The following KMT2A variants were observed in gnomAD, a reference collection of about 807,000 sequenced individuals.
KMT2A encodes the protein lysine methyltransferase 2A.
Under a neutral mutation model 345.3 loss-of-function variants are expected in KMT2A, and 16 were observed. The ratio of observed to expected loss-of-function variants is 0.05; its 90% confidence interval spans 0.03 to 0.07. The LOEUF (loss-of-function observed/expected upper bound fraction) is 0.07, where lower values mean the gene tolerates loss of function less well. KMT2A is among the 10% of genes least tolerant of loss of function. The probability of loss-of-function intolerance (pLI) is 1.00; values close to 1 mark genes in which losing one functional copy is unlikely to be tolerated. For synonymous variants in KMT2A, 1,599 were observed against 1,778.6 expected (o/e 0.90, Z 2.54); for missense variants, 3,272 against 4,841.6 (o/e 0.68, Z 9.62).
At chr11:118,454,648 C>G (rs1403419852) in intron 1 of KMT2A, among the ~76,000 whole-genome samples, 1 of 152,282 alleles carries the variant, frequency 6.6e-6, no homozygotes, top group South Asian at 2.1e-4. Flanking sequence ...GTCAAAGATA[C>G]GTTTAATACA....
intron 1 of KMT2A, among the ~76,000 whole-genome samples, chr11:118,451,379 T>C (rs1949533918): frequency 6.6e-6 from 1 of 151,888 alleles, no homozygotes; most frequent in South Asian, 2.1e-4. Context: ...GCCTACTAAT[T>C]TTTAATTTTC....
At chr11:118,465,125 G>A (rs563296550) in intron 1 of KMT2A, among the ~76,000 whole-genome samples, 1 of 152,082 alleles carries the variant, frequency 6.6e-6, no homozygotes, top group Non-Finnish European at 1.5e-5. Context: ...TGAAGGAGGC[G>A]GAGCATCTAG....
chr11:118,485,528 A>G (rs1217108531), intron 10 of KMT2A, among the ~76,000 whole-genome samples: 1 of 152,222 alleles, frequency 6.6e-6, no homozygotes, highest in Non-Finnish European at 1.5e-5. Context: ...TCCTGAATAA[A>G]TGGGGACTTT....
At chr11:118,508,631 G>C (rs1483470964) in intron 28 of KMT2A, among the ~76,000 whole-genome samples, 1 of 151,820 alleles carries the variant, frequency 6.6e-6, no homozygotes, top group Non-Finnish European at 1.5e-5. Context: ...GCTAAGGCGG[G>C]AGGATTGCTT....
At chr11:118,509,690 C>T (rs1344026107) in intron 29 of KMT2A, among the ~76,000 whole-genome samples, 1 of 152,070 alleles carries the variant, frequency 6.6e-6, no homozygotes, top group African/African-American at 2.4e-5. Flanking sequence ...TATTGAAAAA[C>T]TATCAGATCG....
chr11:118,524,332 T>C lies in KMT2A; in HGVS notation c.*2160T>C, dbSNP rs1481612462. Reference sequence around the variant, plus strand: ...CGCAAGAAGCCCATTCCTATGGAAGTCTAGCAAAGCAATACGACTCAGCCC... The same window carrying C: ...CGCAAGAAGCCCATTCCTATGGAAGCCTAGCAAAGCAATACGACTCAGCCC... On this transcript the variant is annotated 3_prime_UTR_variant, in exon 36 of 36. Coordinates refer to ENST00000534358, the MANE Select transcript of KMT2A (RefSeq NM_001197104.2). 5.2e-6 allele frequency: 1 copy of C among 190,946 alleles called. No individual in the cohort carries two copies. The highest frequency in any genetic ancestry group is 2.3e-5 in the African/African-American group (1 of 42,928). The allele number at this position is 190,946 out of a possible 1,614,324, so 11.8% of individuals were successfully genotyped here. A position where few individuals can be genotyped will look rare whatever the true frequency, so the allele number is the denominator to read the frequency against.
At chr11:118,464,691 T>C (rs184781728) in intron 1 of KMT2A, among the ~76,000 whole-genome samples, 2 of 152,232 alleles carry the variant, frequency 1.3e-5, no homozygotes, top group Non-Finnish European at 2.9e-5. Context: ...CTTTGAAGAA[T>C]TGTAACAGGA....
rs945415061 is a variant in KMT2A at position 118,490,429 on chromosome 11, C to T, written c.4696+180C>T. The stretch of plus-strand genomic sequence containing the variant: ...ACTAGAAATGTCTTGTTAGTTTATA[C>T]GGGAAGTGTTAAGGGGACTTTTCAT... On this transcript the variant is annotated intron_variant, in intron 13 of 35. Coordinates refer to ENST00000534358, the MANE Select transcript of KMT2A (RefSeq NM_001197104.2). The surrounding 1 kb of genome is among the most constrained non-coding windows in gnomAD (Gnocchi z 4.2). Among the ~76,000 whole-genome samples, 4 of 152,052 alleles carry T rather than the reference C, an allele frequency of 2.6e-5. No homozygotes were observed. Among genetic ancestry groups the T allele is most frequent in the African/African-American group, 7.2e-5 (3 of 41,404 alleles).
Position 118,491,412 on chromosome 11 carries a change from G to T in KMT2A, c.4819+94G>T. On this transcript the variant is annotated intron_variant, in intron 14 of 35. Coordinates refer to ENST00000534358, the MANE Select transcript of KMT2A (RefSeq NM_001197104.2). The surrounding 1 kb of genome is among the most constrained non-coding windows in gnomAD (Gnocchi z 4.2). ...TTAAACCTAAAATTATGGTTGTGTT[G>T]TTATTTGAAATCTCTAAATTTATTT... The T allele has an allele frequency of 2.4e-6, 3 of 1,229,168 alleles. No homozygotes were observed. Among genetic ancestry groups the T allele is most frequent in the Non-Finnish European group, 2.2e-6 (2 of 888,928 alleles). The allele number at this position is 1,229,168 out of a possible 1,614,324, so 76.1% of individuals were successfully genotyped here.
In KMT2A at chr11:118,471,917, T is replaced by G; in HGVS notation, c.758T>G (p.Leu253Arg). Residue 253 changes from leucine (L) to arginine (R), a missense_variant, in exon 3 of 36, where the codon CTG becomes CGG. Coordinates refer to ENST00000534358, the MANE Select transcript of KMT2A (RefSeq NM_001197104.2). ...CCAAAGGGAAACAAAGAAGATAGCC[T>G]GAAAAAAATTAAAAGGACACCTTCT... ...ELPKGNKEDS[L>R]KKIKRTPSAT... The G allele has an allele frequency of 6.2e-7, 1 of 1,613,840 alleles. No individual in the cohort carries two copies. Among genetic ancestry groups the G allele is most frequent in the Non-Finnish European group, 8.5e-7 (1 of 1,179,978 alleles).
chr11:118,486,296 T>G (rs1331153892), intron 10 of KMT2A, among the ~76,000 whole-genome samples: 1 of 151,932 alleles, frequency 6.6e-6, no homozygotes, highest in Non-Finnish European at 1.5e-5. Context: ...AGTATATATC[T>G]AGAAAACAAT....
intron 1 of KMT2A, chr11:118,450,759 G>A (rs1198595428): frequency 1.3e-5 from 2 of 152,200 alleles, no homozygotes; most frequent in African/African-American, 4.8e-5. Context: ...TAACCAGAGA[G>A]AATCTGCCCT....
chr11:118,507,818 C>A, intron 28 of KMT2A: 1 of 466,080 alleles, frequency 2.1e-6, no homozygotes, highest in Non-Finnish European at 4.0e-6. Context: ...AAAGAATTAG[C>A]CGGGCGTGAT....
chr11:118,462,963 T>C (rs1482345373), intron 1 of KMT2A, among the ~76,000 whole-genome samples: 3 of 152,238 alleles, frequency 2.0e-5, no homozygotes, highest in African/African-American at 7.2e-5. Context: ...CTTTAAATAT[T>C]GGCAGTTAAA....
At chr11:118,518,338 T>C (rs1484689433) in intron 31 of KMT2A, among the ~76,000 whole-genome samples, 1 of 152,160 alleles carries the variant, frequency 6.6e-6, no homozygotes, top group African/African-American at 2.4e-5. Context: ...ATAAATGTTG[T>C]TTTCATAAAA....
chr11:118,478,053 C>G lies in KMT2A; in HGVS notation c.3421C>G (p.Pro1141Ala). 2 of 1,614,102 alleles carry G rather than the reference C, an allele frequency of 1.2e-6. No homozygotes were observed. The highest frequency in any genetic ancestry group is 1.7e-6 in the Non-Finnish European group (2 of 1,180,008). The change falls in exon 5 of 36, where the codon CCC becomes GCC. Residue 1141 changes from proline (P) to alanine (A), a missense_variant. Physicochemically the swap from Pro to Ala is conservative, Grantham distance 27. Coordinates refer to ENST00000534358, the MANE Select transcript of KMT2A (RefSeq NM_001197104.2). Reference protein sequence around the residue: ...PIKPVTRNKAPQEPPVKKGRR... With the variant: ...PIKPVTRNKAAQEPPVKKGRR... The stretch of plus-strand genomic sequence containing the variant: ...TAAACCTGTCACTAGAAACAAGGCA[C>G]CCCAGGAACCTCCAGTAAAGAAAGG...
intron 30 of KMT2A, among the ~76,000 whole-genome samples, chr11:118,511,432 A>G (rs1950685973): frequency 6.6e-6 from 1 of 152,192 alleles, no homozygotes; most frequent in Non-Finnish European, 1.5e-5. Context: ...GGAGTGATGT[A>G]AGAAATCCAT....
intron 1 of KMT2A, among the ~76,000 whole-genome samples, chr11:118,457,032 C>T (rs1555031101): frequency 1.3e-5 from 2 of 152,114 alleles, no homozygotes; most frequent in Admixed American, 6.5e-5. Flanking sequence ...CTGTCCTTTT[C>T]CCCTTAATCC....
At chr11:118,442,706 C>T (rs555750258) in intron 1 of KMT2A, among the ~76,000 whole-genome samples, 88 of 152,224 alleles carry the variant, frequency 5.8e-4, no homozygotes, top group Non-Finnish European at 9.0e-4. Flanking sequence ...ATTAAGAATA[C>T]CCTTGTAGGC....
Sources: allele counts gnomAD v4.1 joint callset (sites outside exome capture counted in the v4.1 genomes callset), GRCh38; gene constraint gnomAD v4.1.1; non-coding constraint Gnocchi (gnomAD v3.1); transcripts MANE v1.5; gene names NCBI Gene and HGNC (gene_info 2026-07-23, HGNC 2026-07-21).